EYS: variants seen among roughly 807,000 people sequenced by gnomAD.
EYS encodes protein eyes shut homolog.
EYS carries 250 observed loss-of-function variants against 282.1 expected under a neutral mutation model. That is an observed-to-expected ratio of 0.89 (90% CI 0.80 to 0.98). The LOEUF is 0.98. Among genes scored for constraint, EYS ranks in the 50% least tolerant of loss-of-function variants. The pLI, the probability that EYS is intolerant of heterozygous loss-of-function variation, is 0.00. For synonymous variants in EYS, 1,355 were observed against 1,282.9 expected, an observed-to-expected ratio of 1.06 and a Z score of -1.20; for missense variants, 4,016 against 3,709.0, an observed-to-expected ratio of 1.08 and a Z score of -2.15.
intron 33 of EYS, among the ~76,000 whole-genome samples, chr6:64,064,548 CT>C (rs1173086785): frequency 6.6e-6 from 1 of 152,094 alleles, no homozygotes; most frequent in Non-Finnish European, 1.5e-5. Context: ...CTCCTTTTTA[CT>C]TTCTTAAGTT....
At chr6:64,486,295 T>A (rs1218571855) in intron 26 of EYS, among the ~76,000 whole-genome samples, 1 of 151,480 alleles carries the variant, frequency 6.6e-6, no homozygotes, top group African/African-American at 2.4e-5. Flanking sequence ...AAAAATATCC[T>A]CTGTGAGAAA....
At chr6:65,147,981 C>A (rs570245714) in intron 12 of EYS, among the ~76,000 whole-genome samples, 3 of 152,100 alleles carry the variant, frequency 2.0e-5, no homozygotes, top group Admixed American at 6.6e-5. Flanking sequence ...GAAAACTACC[C>A]CTATGAGCCA....
At chr6:64,657,546 C>T (rs987507502) in intron 22 of EYS, among the ~76,000 whole-genome samples, 9 of 152,112 alleles carry the variant, frequency 5.9e-5, no homozygotes, top group African/African-American at 9.7e-5. Flanking sequence ...TTAGGGCAGG[C>T]CTGGTGGTGA....
intron 28 of EYS, among the ~76,000 whole-genome samples, chr6:64,412,283 C>T (rs1468787218): frequency 2.6e-5 from 4 of 152,002 alleles, no homozygotes; most frequent in Non-Finnish European, 5.9e-5. Flanking sequence ...AAAAATTAAT[C>T]ATTCTTTGAC....
intron 30 of EYS, among the ~76,000 whole-genome samples, chr6:64,305,330 C>G (rs1769399117): frequency 7.0e-6 from 1 of 142,534 alleles, no homozygotes; most frequent in Non-Finnish European, 1.5e-5. Context: ...AGATTTGGTG[C>G]AATCCCCAAC....
At chr6:64,392,323 A>AT (rs1280651595) in intron 28 of EYS, among the ~76,000 whole-genome samples, 1 of 149,308 alleles carries the variant, frequency 6.7e-6, no homozygotes, top group African/African-American at 2.5e-5. Context: ...CAGAATATAC[A>AT]TTTTTTTCCA....
chr6:64,090,496 T>C (rs549548254), intron 31 of EYS, among the ~76,000 whole-genome samples: 42 of 152,320 alleles, frequency 2.8e-4, no homozygotes, highest in African/African-American at 9.9e-4. Flanking sequence ...TATATACTTC[T>C]ATTGCAGCTC....
At chr6:64,847,685 C>G (rs1377064485) in intron 19 of EYS, among the ~76,000 whole-genome samples, 2 of 152,150 alleles carry the variant, frequency 1.3e-5, no homozygotes, top group South Asian at 4.1e-4. Flanking sequence ...TTTACACTAA[C>G]CCCTACCATG....
At chr6:64,828,431 T>C (rs929856783) in intron 19 of EYS, among the ~76,000 whole-genome samples, 3 of 151,950 alleles carry the variant, frequency 2.0e-5, no homozygotes, top group Non-Finnish European at 2.9e-5. Context: ...GTTTGGAGCA[T>C]ATATCTTAGA....
chr6:65,375,987 G>T (rs1264352307), intron 8 of EYS, among the ~76,000 whole-genome samples: 1 of 152,156 alleles, frequency 6.6e-6, no homozygotes, highest in Non-Finnish European at 1.5e-5. Context: ...CCCCAACCTA[G>T]CAAGACAGGC....
At chr6:65,596,456 G>A (rs998428098) in intron 2 of EYS, among the ~76,000 whole-genome samples, 1 of 151,992 alleles carries the variant, frequency 6.6e-6, no homozygotes. Flanking sequence ...CTACATTACT[G>A]AATATTGGGA....
chr6:63,963,096 C>A (rs1426703624), intron 35 of EYS, among the ~76,000 whole-genome samples: 1 of 105,984 alleles, frequency 9.4e-6, no homozygotes, highest in Non-Finnish European at 1.8e-5. Flanking sequence ...ACATCACACA[C>A]AGGGGCCTGT....
intron 28 of EYS, among the ~76,000 whole-genome samples, chr6:64,430,579 T>C (rs1338827): frequency 6.6e-6 from 1 of 152,196 alleles, no homozygotes; most frequent in Non-Finnish European, 1.5e-5. Context: ...TAAATTGTGT[T>C]TACTGATTTT....
At chr6:65,571,053 AATAT>A (rs1219721620) in intron 2 of EYS, among the ~76,000 whole-genome samples, 1 of 152,010 alleles carries the variant, frequency 6.6e-6, no homozygotes, top group Non-Finnish European at 1.5e-5. Context: ...GGGGCGGGAG[AATAT>A]ATATTACACA....
intron 33 of EYS, among the ~76,000 whole-genome samples, chr6:64,005,547 C>A (rs1466275759): frequency 6.6e-6 from 1 of 152,034 alleles, no homozygotes; most frequent in African/African-American, 2.4e-5. Context: ...TTTGCCAGGG[C>A]CTATATTTAG....
intron 5 of EYS, among the ~76,000 whole-genome samples, chr6:65,434,506 G>C (rs1409945362): frequency 1.3e-5 from 2 of 152,006 alleles, no homozygotes; most frequent in Non-Finnish European, 2.9e-5. Flanking sequence ...ATTTTTAGCA[G>C]AGACGGGGTT....
Position 65,694,468 on chromosome 6 carries a change from T to C in EYS, c.-448+12667A>G, listed in dbSNP as rs180960102. 8.6e-4 allele frequency among the ~76,000 whole-genome samples: 129 copies of C among 149,988 alleles called. 5 individuals carry two copies. The highest frequency in any genetic ancestry group is 2.8e-3 in the Admixed American group (42 of 14,910). ...GTTAAAAGAAACTTCTTCAGGTATA[T>C]TTTTAAAAAGACAAATATTTGCATT... On this transcript the variant is annotated intron_variant, in intron 1 of 42. Transcript: ENST00000503581.
intron 19 of EYS, among the ~76,000 whole-genome samples, chr6:64,838,934 T>G (rs1765476560): frequency 6.6e-6 from 1 of 152,006 alleles, no homozygotes; most frequent in South Asian, 2.1e-4. Flanking sequence ...CCATGGTAAA[T>G]TGTAATCTGT....
At chr6:64,096,392 C>G (rs1404857654) in intron 31 of EYS, among the ~76,000 whole-genome samples, 3 of 152,226 alleles carry the variant, frequency 2.0e-5, no homozygotes, top group Middle Eastern at 3.2e-3. Flanking sequence ...GTACACCAAT[C>G]AGACGTAGAT....
Sources: gnomAD v4.1 joint callset for allele counts (sites outside exome capture counted in the v4.1 genomes callset) on GRCh38, gnomAD v4.1.1 for gene constraint, MANE v1.5 for transcripts, NCBI Gene and HGNC (gene_info 2026-07-23, HGNC 2026-07-21) for gene names.